Variants in PARD3B observed in about 807,000 individuals in gnomAD.
PARD3B encodes partitioning defective 3 homolog B.
Under a neutral mutation model 130.2 loss-of-function variants are expected in PARD3B, and 103 were observed. The observed-to-expected ratio is 0.79, with a 90% CI of 0.67 to 0.93. The LOEUF is 0.93. Ranked by LOEUF, PARD3B falls within the 40% of genes least tolerant of loss-of-function variation. PARD3B has a pLI of 0.00. For missense variants in PARD3B, 1,609 were observed against 1,499.2 expected (o/e 1.07, Z -1.21); for synonymous variants, 583 against 553.2 (o/e 1.05, Z -0.76).
chr2:204,966,047 A>G (rs1276583494), intron 3 of PARD3B, among the ~76,000 whole-genome samples: 1 of 152,200 alleles, frequency 6.6e-6, no homozygotes, highest in African/African-American at 2.4e-5. Flanking sequence ...TTTTGAGACT[A>G]CTTAGAGCAC....
At chr2:204,630,923 G>C (rs1462107885) in intron 1 of PARD3B, among the ~76,000 whole-genome samples, 1 of 151,910 alleles carries the variant, frequency 6.6e-6, no homozygotes, top group Non-Finnish European at 1.5e-5. Flanking sequence ...TAGATATGTT[G>C]ATTTTTTTGA....
In PARD3B at chr2:204,962,451, C is replaced by T. The variant is rs114354762; in HGVS notation, c.223-2701C>T. Among the ~76,000 whole-genome samples, 1,234 of 152,122 alleles carry T rather than the reference C, an allele frequency of 8.1e-3. 20 individuals are homozygous for T. Among genetic ancestry groups the T allele is most frequent in the African/African-American group, 0.027 (1,122 of 41,482 alleles). On this transcript the variant is annotated intron_variant, in intron 2 of 22. Transcript: ENST00000406610. ...ATAGAATTCCTTCTTTCATGTTCAG[C>T]GCATCTCTGTGGGAAAGATAACTTT...
intron 2 of PARD3B, among the ~76,000 whole-genome samples, chr2:204,816,838 C>T (rs965172688): frequency 6.6e-6 from 1 of 151,954 alleles, no homozygotes; most frequent in Non-Finnish European, 1.5e-5. Context: ...TTCTCTTCCC[C>T]CTCTCTTTTA....
chr2:204,608,490 G>A (rs1338091953), intron 1 of PARD3B, among the ~76,000 whole-genome samples: 2 of 152,172 alleles, frequency 1.3e-5, no homozygotes, highest in Non-Finnish European at 2.9e-5. Flanking sequence ...AAGCCAAAAG[G>A]AATTGTTCTG....
chr2:205,264,722 C>T (rs1402174553), intron 16 of PARD3B, among the ~76,000 whole-genome samples: 1 of 150,906 alleles, frequency 6.6e-6, no homozygotes, highest in Non-Finnish European at 1.5e-5. Flanking sequence ...CACATTTTTC[C>T]ATTTAGTAAA....
At chr2:205,494,860 C>T (rs1005014116) in intron 20 of PARD3B, among the ~76,000 whole-genome samples, 4 of 152,100 alleles carry the variant, frequency 2.6e-5, no homozygotes, top group South Asian at 2.1e-4. Context: ...TCAGTGTGCT[C>T]GTGTGTAAAA....
rs558838617 is a variant in PARD3B at position 204,998,705 on chromosome 2, A to G, written c.394+33382A>G. On this transcript the variant is annotated intron_variant, in intron 3 of 22. Transcript: ENST00000406610. ...GTTAAATGTTTTTCGCTTTTCATCTATTAATATGATATATTGTATTGATTG... is the reference window on the plus strand; with the variant it reads ...GTTAAATGTTTTTCGCTTTTCATCTGTTAATATGATATATTGTATTGATTG... Among the ~76,000 whole-genome samples the G allele has an allele frequency of 5.5e-4, 84 of 151,964 alleles. 1 individual carries two copies. Among genetic ancestry groups the G allele is most frequent in the African/African-American group, 1.9e-3 (77 of 41,436 alleles).
At chr2:205,152,304 C>G (rs2033814143) in intron 10 of PARD3B, among the ~76,000 whole-genome samples, 2 of 152,104 alleles carry the variant, frequency 1.3e-5, no homozygotes, top group South Asian at 4.1e-4. Context: ...GAATGTTGGC[C>G]TGCCTTGCTA....
At chr2:205,114,462 C>T (rs1703879757) in intron 6 of PARD3B, among the ~76,000 whole-genome samples, 1 of 146,220 alleles carries the variant, frequency 6.8e-6, no homozygotes, top group South Asian at 2.4e-4. Flanking sequence ...TTTTCTTAAA[C>T]ACATCATTGA....
At chr2:205,130,039 T>C (rs2031853121) in intron 10 of PARD3B, among the ~76,000 whole-genome samples, 1 of 152,204 alleles carries the variant, frequency 6.6e-6, no homozygotes, top group African/African-American at 2.4e-5. Flanking sequence ...TGAGAGGAAT[T>C]TATATAATAA....
chr2:205,398,739 A>G (rs542330521), intron 18 of PARD3B, among the ~76,000 whole-genome samples: 45 of 152,318 alleles, frequency 3.0e-4, no homozygotes, highest in African/African-American at 1.0e-3. Flanking sequence ...ATCCTCTACT[A>G]TGGGTCAAAA....
chr2:204,918,681 T>C (rs1165666843), intron 2 of PARD3B, among the ~76,000 whole-genome samples: 1 of 150,640 alleles, frequency 6.6e-6, no homozygotes, highest in East Asian at 2.0e-4. Flanking sequence ...TTTGCTGAGG[T>C]GTAAAATTTG....
At chr2:204,714,607 GA>G (rs1354893293) in intron 2 of PARD3B, among the ~76,000 whole-genome samples, 1 of 152,148 alleles carries the variant, frequency 6.6e-6, no homozygotes, top group Non-Finnish European at 1.5e-5. Flanking sequence ...CTGCCTTAAG[GA>G]AATTATTTCC....
At chr2:205,559,194 G>A (rs1187891683) in intron 22 of PARD3B, among the ~76,000 whole-genome samples, 2 of 152,156 alleles carry the variant, frequency 1.3e-5, no homozygotes, top group Non-Finnish European at 2.9e-5. Flanking sequence ...TGCCCACGTT[G>A]GAGTACAGTG....
Position 205,230,902 on chromosome 2 carries a change from A to G in PARD3B, c.2141-14876A>G, listed in dbSNP as rs545643110. Among the ~76,000 whole-genome samples, 2 of 152,096 alleles carry G rather than the reference A, an allele frequency of 1.3e-5. No homozygotes were observed. Among genetic ancestry groups the G allele is most frequent in the Non-Finnish European group, 2.9e-5 (2 of 67,982 alleles). Reference sequence around the variant, plus strand: ...GTTCTGCCTGGTGTTGCTTTCCACCATGACAGGGTGGAAAGCACTGAGTTC... The same window carrying G: ...GTTCTGCCTGGTGTTGCTTTCCACCGTGACAGGGTGGAAAGCACTGAGTTC... On this transcript the variant is annotated intron_variant, in intron 15 of 22. Transcript: ENST00000406610. The surrounding 1 kb of genome is among the most constrained non-coding windows in gnomAD (Gnocchi z 4.1).
chr2:204,930,366 C>T (rs1244426530), intron 2 of PARD3B, among the ~76,000 whole-genome samples: 10 of 152,026 alleles, frequency 6.6e-5, no homozygotes, highest in African/African-American at 2.4e-4. Flanking sequence ...CTAAGCACAT[C>T]ATCTCTAGGT....
intron 15 of PARD3B, among the ~76,000 whole-genome samples, chr2:205,234,940 A>T (rs546620415): frequency 1.3e-5 from 2 of 152,378 alleles, no homozygotes; most frequent in East Asian, 3.9e-4. Context: ...TTAATAACAC[A>T]TGGATCAAAG....
rs575151220 is a variant in PARD3B, at chr2:205,287,597, C to T, written c.2186-12933C>T. ...ATGCACTGATTAGTCATGTCTGGGT[C>T]GTAGGCACACTGAATGAGAGTTGAG... is the stretch of plus-strand genomic sequence containing the variant. On this transcript the variant is annotated intron_variant, in intron 16 of 22. Coordinates refer to ENST00000406610, the MANE Select transcript of PARD3B (RefSeq NM_001302769.2). The surrounding 1 kb of genome is among the most constrained non-coding windows in gnomAD (Gnocchi z 4.8). Among the ~76,000 whole-genome samples the T allele has an allele frequency of 5.3e-4, 81 of 152,186 alleles. No homozygotes were observed. The South Asian group carries it at 0.016, about 30-fold the overall frequency.
At chr2:205,579,056 G>T (rs1352971290) in intron 22 of PARD3B, among the ~76,000 whole-genome samples, 1 of 152,144 alleles carries the variant, frequency 6.6e-6, no homozygotes, top group East Asian at 1.9e-4. Context: ...TTAGCAAAAC[G>T]TAAAAATGTA....
Sources: gnomAD v4.1 joint callset for allele counts (sites outside exome capture counted in the v4.1 genomes callset) on GRCh38, gnomAD v4.1.1 for gene constraint, Gnocchi (gnomAD v3.1) non-coding constraint, MANE v1.5 for transcripts, NCBI Gene and HGNC (gene_info 2026-07-23, HGNC 2026-07-21) for gene names.